ABTB3: variants seen among roughly 807,000 people sequenced by gnomAD.
ABTB3 encodes the protein ankyrin repeat and BTB domain containing 3, also known as ankyrin repeat- and BTB/POZ domain-containing protein 3.
At chr12:107,377,435 G>C in the ABTB3 span, among the ~76,000 whole-genome samples, 1 of 151,900 alleles carries the variant, frequency 6.6e-6, no homozygotes, top group Non-Finnish European at 1.5e-5. Flanking sequence ...GTGTGTGTGT[G>C]TGTGTGTGTG....
the ABTB3 span, chr12:107,617,105 G>A: frequency 3.1e-6 from 5 of 1,613,956 alleles, no homozygotes; most frequent in East Asian, 2.2e-5. Context: ...CTGGATGCTG[G>A]GGCCAAGGTG....
At chr12:107,342,049 G>A in the ABTB3 span, among the ~76,000 whole-genome samples, 1 of 152,112 alleles carries the variant, frequency 6.6e-6, no homozygotes, top group Admixed American at 6.5e-5. Flanking sequence ...CCAGTCTCAG[G>A]TATTTATTAA....
At chr12:107,653,040 T>G in the ABTB3 span, among the ~76,000 whole-genome samples, 1 of 152,162 alleles carries the variant, frequency 6.6e-6, no homozygotes, top group Non-Finnish European at 1.5e-5. Context: ...TCCCAAGTAG[T>G]TGGGATTACA....
the ABTB3 span, among the ~76,000 whole-genome samples, chr12:107,374,180 T>A: frequency 6.6e-6 from 1 of 152,186 alleles, no homozygotes; most frequent in South Asian, 2.1e-4. Context: ...GTCAGAGCAC[T>A]TCTTTGTTCT....
the ABTB3 span, chr12:107,520,775 C>A: frequency 9.5e-7 from 1 of 1,054,678 alleles, no homozygotes; most frequent in African/African-American, 1.6e-5. Flanking sequence ...TGACTGCCTG[C>A]TGTGTACACT....
the ABTB3 span, among the ~76,000 whole-genome samples, chr12:107,467,040 CTT>C: frequency 6.6e-6 from 1 of 152,096 alleles, no homozygotes; most frequent in Non-Finnish European, 1.5e-5. Context: ...CTCACAGTGT[CTT>C]TGAGGAGGAT....
At chr12:107,591,537 C>T in the ABTB3 span, among the ~76,000 whole-genome samples, 1 of 152,108 alleles carries the variant, frequency 6.6e-6, no homozygotes, top group Non-Finnish European at 1.5e-5. Context: ...GGAAGTCCAC[C>T]CCCATGATCC....
the ABTB3 span, among the ~76,000 whole-genome samples, chr12:107,557,887 T>A: frequency 6.6e-6 from 1 of 152,300 alleles, no homozygotes; most frequent in Non-Finnish European, 1.5e-5. Flanking sequence ...GCCACCATAC[T>A]TTTGCTGCTG....
chr12:107,640,663 C>T, the ABTB3 span, among the ~76,000 whole-genome samples: 2 of 152,184 alleles, frequency 1.3e-5, no homozygotes, highest in African/African-American at 2.4e-5. Flanking sequence ...TTGGCTCCCT[C>T]GGCTAGGTGG....
the ABTB3 span, chr12:107,520,583 G>C: frequency 6.2e-7 from 1 of 1,614,220 alleles, no homozygotes. Flanking sequence ...TCGGAGCTGA[G>C]GACCATCGAG....
the ABTB3 span, among the ~76,000 whole-genome samples, chr12:107,411,519 A>G: frequency 2.0e-5 from 3 of 152,296 alleles, no homozygotes; most frequent in African/African-American, 4.8e-5. Context: ...GGGATATTCT[A>G]TAGTTCTCAA....
At chr12:107,469,866 T>TTTTCTTTTC in the ABTB3 span, among the ~76,000 whole-genome samples, 14 of 75,574 alleles carry the variant, frequency 1.9e-4, no homozygotes, top group South Asian at 2.6e-3. Flanking sequence ...TCTTTCTTTC[T>TTTTCTTTTC]TTTCTTTCTT....
chr12:107,383,582 T>A, the ABTB3 span, among the ~76,000 whole-genome samples: 6 of 151,884 alleles, frequency 4.0e-5, no homozygotes, highest in African/African-American at 1.5e-4. Context: ...AAGTGGTCAA[T>A]AAGTGTTCAC....
chr12:107,470,893 A>G, the ABTB3 span, among the ~76,000 whole-genome samples: 2 of 152,104 alleles, frequency 1.3e-5, no homozygotes, highest in Non-Finnish European at 2.9e-5. Context: ...GAGAAATGAG[A>G]TCTTGGGCCA....
At chr12:107,430,823 A>G in the ABTB3 span, among the ~76,000 whole-genome samples, 1 of 152,228 alleles carries the variant, frequency 6.6e-6, no homozygotes, top group African/African-American at 2.4e-5. Flanking sequence ...TGTCATATTC[A>G]AAGATAATTG....
chr12:107,654,972 G>T, the ABTB3 span, among the ~76,000 whole-genome samples: 1 of 150,610 alleles, frequency 6.6e-6, no homozygotes, highest in Admixed American at 6.6e-5. Flanking sequence ...CTCTCTCTCT[G>T]TACCAAGGCA....
chr12:107,482,955 T>C, the ABTB3 span, among the ~76,000 whole-genome samples: 1 of 52,338 alleles, frequency 1.9e-5, no homozygotes, highest in African/African-American at 7.8e-5. Context: ...TTTCTTTCTT[T>C]CTTTCTTTCT....
chr12:107,500,642 C>T, the ABTB3 span, among the ~76,000 whole-genome samples: 1 of 152,210 alleles, frequency 6.6e-6, no homozygotes, highest in African/African-American at 2.4e-5. Context: ...CAGGCCACGA[C>T]TGTGTAAACC....
At chr12:107,507,827 A>T in the ABTB3 span, among the ~76,000 whole-genome samples, 3 of 152,064 alleles carry the variant, frequency 2.0e-5, no homozygotes, top group African/African-American at 7.2e-5. Context: ...TCTTTCAATC[A>T]TCCTAGGTCA....
Sources: allele counts gnomAD v4.1 joint callset (sites outside exome capture counted in the v4.1 genomes callset), GRCh38; gene constraint gnomAD v4.1.1; transcripts MANE v1.5; gene names NCBI Gene and HGNC (gene_info 2026-07-23, HGNC 2026-07-21).